Variants in CALCR observed in about 807,000 individuals in gnomAD.
CALCR encodes the protein calcitonin receptor.
In CALCR, 47 loss-of-function variants were observed where a neutral mutation model predicts 59.5. That is an observed-to-expected ratio of 0.79 (90% CI 0.63 to 1.01). CALCR has a LOEUF of 1.01. Among genes scored for constraint, CALCR ranks in the 50% least tolerant of loss-of-function variants. The pLI is 0.00. For missense variants in CALCR, 566 were observed against 597.1 expected, an observed-to-expected ratio of 0.95 and a Z score of 0.54; for synonymous variants, 213 against 211.3, an observed-to-expected ratio of 1.01 and a Z score of -0.07.
At chr7:93,447,884 A>G (rs969968682) in intron 8 of CALCR, among the ~76,000 whole-genome samples, 2 of 151,994 alleles carry the variant, frequency 1.3e-5, no homozygotes, top group African/African-American at 4.8e-5. Context: ...TTGAAACCAT[A>G]GAGTAGGAAA....
chr7:93,475,153 T>C (rs1041526599), intron 5 of CALCR, among the ~76,000 whole-genome samples: 4 of 151,824 alleles, frequency 2.6e-5, no homozygotes, highest in Non-Finnish European at 5.9e-5. Flanking sequence ...CTTATTGAAC[T>C]AAATGCAAGA....
chr7:93,436,287 G>T, intron 11 of CALCR, 117 bp from the exon 12 acceptor site: 1 of 801,778 alleles, frequency 1.2e-6, no homozygotes. Flanking sequence ...CATAGAACAT[G>T]AGAGTCTACC....
At chr7:93,533,690 T>G (rs1296085870) in intron 2 of CALCR, among the ~76,000 whole-genome samples, 1 of 151,856 alleles carries the variant, frequency 6.6e-6, no homozygotes, top group Non-Finnish European at 1.5e-5. Flanking sequence ...TTACTCTGAT[T>G]CAAAGGAAGT....
intron 2 of CALCR, among the ~76,000 whole-genome samples, chr7:93,518,742 A>G (rs960922526): frequency 2.0e-5 from 3 of 152,020 alleles, no homozygotes; most frequent in African/African-American, 7.2e-5. Context: ...ACTATTAAAA[A>G]GAATGAGATC....
rs1011092536 is a variant in CALCR, at chr7:93,425,575, T to G, written c.*781A>C. The G allele has an allele frequency of 6.6e-6, 1 of 152,482 alleles. No individual in the cohort carries two copies. The highest frequency in any genetic ancestry group is 1.5e-5 in the Non-Finnish European group (1 of 68,018). The allele number at this position is 152,482 out of a possible 1,614,324, so 9.4% of individuals were successfully genotyped here. A position where few individuals can be genotyped will look rare whatever the true frequency, so the allele number is the denominator to read the frequency against. ...ATATTTTTGGCAGTTTTGTAAAAAT[T>G]TTTAGTGATAGATTCTTTGTGACCT... is the stretch of plus-strand genomic sequence containing the variant. On this transcript the variant is annotated 3_prime_UTR_variant, in exon 14 of 14. Coordinates refer to ENST00000426151, the MANE Select transcript of CALCR (RefSeq NM_001742.4).
chr7:93,483,158 T>C (rs1353371229), intron 3 of CALCR, among the ~76,000 whole-genome samples: 2 of 151,738 alleles, frequency 1.3e-5, no homozygotes, highest in African/African-American at 4.8e-5. Context: ...GCTTAGGTCC[T>C]TCATATAAAA....
Position 93,436,011 on chromosome 7 carries a change from A to G in CALCR, c.1090T>C (p.Ser364Pro), listed in dbSNP as rs1312840242. 6 of 1,613,706 alleles carry G rather than the reference A, an allele frequency of 3.7e-6. No homozygotes were observed. The East Asian group carries it at 8.9e-5, about 24-fold the overall frequency. ...IQFVVFPWRPSNKMLGKIYDY... is the reference protein window; with the variant it reads ...IQFVVFPWRPPNKMLGKIYDY... ...TATATCTTCCCAAGCATCTTGTTGG[A>G]AGGTCTCCAGGGAAAGACGACAAAC... The change falls in exon 12 of 14, where the codon TCC becomes CCC. Residue 364 changes from serine to proline, a missense_variant. Ser to Pro is a moderately conservative substitution (Grantham distance 74, BLOSUM62 -1). Transcript: ENST00000426151.
chr7:93,503,804 G>A (rs1484374368), intron 2 of CALCR, among the ~76,000 whole-genome samples: 1 of 152,082 alleles, frequency 6.6e-6, no homozygotes. Flanking sequence ...TTTTTAAAAA[G>A]TTTGACAATA....
At chr7:93,440,431 T>G (rs1799876405) in intron 9 of CALCR, among the ~76,000 whole-genome samples, 1 of 152,094 alleles carries the variant, frequency 6.6e-6, no homozygotes, top group Non-Finnish European at 1.5e-5. Context: ...TTGCTTAAAA[T>G]TCTAAGAAAG....
At chr7:93,544,045 G>T (rs1425621486) in intron 2 of CALCR, among the ~76,000 whole-genome samples, 1 of 151,926 alleles carries the variant, frequency 6.6e-6, no homozygotes, top group East Asian at 1.9e-4. Context: ...TGAAAAATTT[G>T]CAGCATAACT....
intron 2 of CALCR, among the ~76,000 whole-genome samples, chr7:93,516,246 A>G (rs952896041): frequency 2.0e-5 from 3 of 152,000 alleles, no homozygotes; most frequent in African/African-American, 7.2e-5. Flanking sequence ...AATATTTGGC[A>G]TAAGTAGATG....
At chr7:93,468,044 A>C (rs1332371047) in intron 7 of CALCR, among the ~76,000 whole-genome samples, 1 of 151,604 alleles carries the variant, frequency 6.6e-6, no homozygotes, top group Non-Finnish European at 1.5e-5. Flanking sequence ...TTTTCACTAA[A>C]GTTGGTTGTG....
At chr7:93,539,478 G>C (rs548908238) in intron 2 of CALCR, among the ~76,000 whole-genome samples, 6 of 152,030 alleles carry the variant, frequency 3.9e-5, no homozygotes, top group African/African-American at 1.4e-4. Context: ...GTTGATGAAT[G>C]CATGGCTCTA....
chr7:93,447,973 G>T (rs959802626), intron 8 of CALCR, among the ~76,000 whole-genome samples: 4 of 151,916 alleles, frequency 2.6e-5, no homozygotes, highest in Non-Finnish European at 4.4e-5. Context: ...GTACTGTATT[G>T]CAGGCAGTAG....
intron 9 of CALCR, among the ~76,000 whole-genome samples, chr7:93,439,399 T>C (rs977565860): frequency 6.6e-6 from 1 of 152,292 alleles, no homozygotes; most frequent in African/African-American, 2.4e-5. Flanking sequence ...ACAAAGTCTC[T>C]GGATTTATTT....
intron 7 of CALCR, 34 bp downstream of exon 7, chr7:93,468,681 G>A: frequency 7.1e-7 from 1 of 1,417,210 alleles, no homozygotes; most frequent in Non-Finnish European, 9.9e-7. Context: ...ACTTAAAGGA[G>A]GAAATAAAGA....
rs150266739 is a variant in CALCR at position 93,468,779 on chromosome 7, T to C, written c.457A>G (p.Ile153Val). ...KNAYVLYYLA[I>V]VGHSLSIFTL... ...AAAATTGACAAAGAATGACCCACAA[T>C]AGCCAAATAGTACAGAACATATGCA... The change falls in exon 7 of 14, where the codon ATT becomes GTT. Residue 153 changes from isoleucine (I) to valine (V), a missense_variant. Coordinates refer to ENST00000426151, the MANE Select transcript of CALCR (RefSeq NM_001742.4). 6.2e-7 allele frequency: 1 copy of C among 1,610,096 alleles called. No homozygotes were observed. Among genetic ancestry groups the C allele is most frequent in the Admixed American group, 1.7e-5 (1 of 59,678 alleles).
intron 2 of CALCR, among the ~76,000 whole-genome samples, chr7:93,489,919 ATC>A (rs1801036379): frequency 1.3e-5 from 2 of 152,032 alleles, no homozygotes; most frequent in African/African-American, 4.8e-5. Context: ...TGAAGCCAGC[ATC>A]ATCCTGATAC....
intron 7 of CALCR, among the ~76,000 whole-genome samples, chr7:93,464,646 T>C (rs973407510): frequency 6.6e-6 from 1 of 151,984 alleles, no homozygotes; most frequent in African/African-American, 2.4e-5. Flanking sequence ...ATAAATTCTC[T>C]TTCAATCAAA....
Sources: allele counts gnomAD v4.1 joint callset (sites outside exome capture counted in the v4.1 genomes callset), GRCh38; gene constraint gnomAD v4.1.1; transcripts MANE v1.5; gene names NCBI Gene and HGNC (gene_info 2026-07-23, HGNC 2026-07-21).